The following SLC2A5 variants were observed in gnomAD, a reference collection of about 807,000 sequenced individuals.
SLC2A5 encodes solute carrier family 2 member 5.
In SLC2A5, 56 loss-of-function variants were observed where a neutral mutation model predicts 50.3. That is an observed-to-expected ratio of 1.11 (90% confidence interval 0.90 to 1.39). The LOEUF is 1.39. Among genes scored for constraint, SLC2A5 ranks in the 40% most tolerant of loss-of-function variants. SLC2A5 has a pLI of 0.00. For missense variants in SLC2A5, 566 were observed against 650.1 expected (o/e 0.87, Z 1.41); for synonymous variants, 269 against 281.9 (o/e 0.95, Z 0.46).
intron 5 of SLC2A5, 97 bp downstream of exon 5, chr1:9,041,688 G>T (rs2124320906): frequency 6.2e-7 from 1 of 1,603,080 alleles, no homozygotes; most frequent in African/African-American, 1.3e-5. Context: ...CCAGTCTGCA[G>T]AAAGTCCTGT....
intron 2 of SLC2A5, among the ~76,000 whole-genome samples, chr1:9,077,012 C>T (rs1220919019): frequency 6.6e-6 from 1 of 151,564 alleles, no homozygotes; most frequent in Non-Finnish European, 1.5e-5. Context: ...TGGTCTCGAA[C>T]TCCTGACCTC....
intron 1 of SLC2A5, among the ~76,000 whole-genome samples, chr1:9,059,362 C>G (rs1188262743): frequency 6.6e-6 from 1 of 151,306 alleles, no homozygotes; most frequent in Non-Finnish European, 1.5e-5. Context: ...CCAGGATGGT[C>G]TCAATCTCCT....
chr1:9,044,069 C>A (rs1641378480), intron 4 of SLC2A5, among the ~76,000 whole-genome samples: 1 of 151,652 alleles, frequency 6.6e-6, no homozygotes, highest in African/African-American at 2.4e-5. Context: ...TAGCTCACCC[C>A]TGTAATCCCA....
chr1:9,059,533 A>C lies in SLC2A5; in HGVS notation c.34-1283T>G, dbSNP rs1641852337. ...TCCCACGGTATCTAAATCTACAGAG[A>C]ATCTTTTTTTTTTTTTTTTTTCTGA... On this transcript the variant is annotated intron_variant, in intron 1 of 11. Coordinates refer to ENST00000377424, the MANE Select transcript of SLC2A5 (RefSeq NM_003039.3). 9.2e-5 allele frequency among the ~76,000 whole-genome samples: 7 copies of C among 75,776 alleles called. No individual in the cohort carries two copies. In the South Asian group the frequency reaches 3.0e-3, roughly 33 times the overall value. 49.7% of individuals were successfully genotyped at this position (75,776 alleles called of 152,430 possible).
At chr1:9,076,662 A>C (rs12409872) in intron 2 of SLC2A5, among the ~76,000 whole-genome samples, 6,811 of 152,230 alleles carry the variant, frequency 0.045, 297 homozygotes, top group East Asian at 0.14. Flanking sequence ...TAAAGGAAAA[A>C]ACTGAGGTGA....
intron 2 of SLC2A5, among the ~76,000 whole-genome samples, chr1:9,080,918 A>G (rs543815303): frequency 5.3e-4 from 80 of 152,248 alleles, no homozygotes; most frequent in Non-Finnish European, 9.9e-4. Context: ...GATCCTTTCA[A>G]TTATTTCAGG....
At chr1:9,087,031 T>C (rs1321990099) in intron 1 of SLC2A5, among the ~76,000 whole-genome samples, 2 of 152,104 alleles carry the variant, frequency 1.3e-5, no homozygotes, top group Non-Finnish European at 1.5e-5. Flanking sequence ...TTCCTTCACA[T>C]AGAAACATTC....
chr1:9,081,912 C>T (rs913222105), intron 2 of SLC2A5, among the ~76,000 whole-genome samples: 3 of 151,910 alleles, frequency 2.0e-5, no homozygotes, highest in Admixed American at 6.6e-5. Context: ...CAAAACCCCA[C>T]CTCTACTAAA....
intron 2 of SLC2A5, among the ~76,000 whole-genome samples, chr1:9,083,377 G>T (rs1642372732): frequency 6.6e-6 from 1 of 152,182 alleles, no homozygotes; most frequent in Admixed American, 6.5e-5. Context: ...CAGCAGTTTT[G>T]CATGACTAGC....
chr1:9,073,811 G>A (rs1302980893), upstream of SLC2A5, among the ~76,000 whole-genome samples: 4 of 152,178 alleles, frequency 2.6e-5, no homozygotes, highest in Non-Finnish European at 5.9e-5. Context: ...ATGCTGGCCG[G>A]GCGCGGTGGC....
Position 9,040,027 on chromosome 1 carries a change from A to G in SLC2A5, c.697+37T>C, listed in dbSNP as rs1641257660. On this transcript the variant is annotated intron_variant, in intron 6 of 11. Coordinates refer to ENST00000377424, the MANE Select transcript of SLC2A5 (RefSeq NM_003039.3). The surrounding 1 kb of genome is among the most constrained non-coding windows in gnomAD (Gnocchi z 4.3). ...CACCGTCGGACCAGGGCTGGGGAGC[A>G]GAACCTGGAGGCCGCCCCCGCCAGA... 6.3e-7 allele frequency: 1 copy of G among 1,586,844 alleles called. No individual in the cohort carries two copies. The highest frequency in any genetic ancestry group is 8.6e-7 in the Non-Finnish European group (1 of 1,163,240).
At chr1:9,080,278 T>C (rs1004200262) in intron 2 of SLC2A5, among the ~76,000 whole-genome samples, 3 of 152,234 alleles carry the variant, frequency 2.0e-5, no homozygotes, top group Admixed American at 6.5e-5. Flanking sequence ...CGCATGGGTG[T>C]ACAAGTATCT....
At chr1:9,062,139 C>T (rs17033196) in intron 1 of SLC2A5, among the ~76,000 whole-genome samples, 5,240 of 152,226 alleles carry the variant, frequency 0.034, 105 homozygotes, top group Middle Eastern at 0.14. Flanking sequence ...ATATGCATGA[C>T]CAGCTAACTG....
At chr1:9,092,092 A>G (rs778906580), upstream of SLC2A5, among the ~76,000 whole-genome samples, 1 of 152,204 alleles carries the variant, frequency 6.6e-6, no homozygotes, top group African/African-American at 2.4e-5. Context: ...ACTTCCAGAA[A>G]AGGTTGCAGT....
chr1:9,060,012 A>ACT (rs1293892394), intron 1 of SLC2A5, among the ~76,000 whole-genome samples: 15 of 129,608 alleles, frequency 1.2e-4, no homozygotes, highest in African/African-American at 4.8e-4. Flanking sequence ...ACACACACAC[A>ACT]CTACACACAC....
At chr1:9,072,958 G>A (rs1416395078), upstream of SLC2A5, 3 of 151,036 alleles carry the variant, frequency 2.0e-5, no homozygotes, top group African/African-American at 7.3e-5. Flanking sequence ...CGAGACTCTT[G>A]TCTCCAAAAA....
intron 1 of SLC2A5, among the ~76,000 whole-genome samples, chr1:9,060,288 TAC>T (rs768766619): frequency 1.2e-3 from 104 of 87,564 alleles, no homozygotes; most frequent in Admixed American, 3.0e-3. Flanking sequence ...ACACAAACAC[TAC>T]ACACACACAC....
chr1:9,050,886 A>G (rs1641556053), intron 3 of SLC2A5, among the ~76,000 whole-genome samples: 2 of 152,216 alleles, frequency 1.3e-5, no homozygotes, highest in African/African-American at 4.8e-5. Flanking sequence ...ATAATGGCAA[A>G]GAAGATATAA....
rs749630125 is a variant in SLC2A5, at chr1:9,040,026, C to T, written c.697+38G>A. ...GCACCGTCGGACCAGGGCTGGGGAGCAGAACCTGGAGGCCGCCCCCGCCAG... is the reference window on the plus strand; with the variant it reads ...GCACCGTCGGACCAGGGCTGGGGAGTAGAACCTGGAGGCCGCCCCCGCCAG... On this transcript the variant is annotated intron_variant, in intron 6 of 11. Coordinates refer to ENST00000377424, the MANE Select transcript of SLC2A5 (RefSeq NM_003039.3). This position sits in a 1 kb window ranked among gnomAD's most constrained non-coding sequence, Gnocchi z 4.3. The T allele has an allele frequency of 1.9e-6, 3 of 1,587,328 alleles. No individual in the cohort carries two copies. Among genetic ancestry groups the T allele is most frequent in the Non-Finnish European group, 2.6e-6 (3 of 1,163,512 alleles).
Sources: allele counts gnomAD v4.1 joint callset (sites outside exome capture counted in the v4.1 genomes callset), GRCh38; gene constraint gnomAD v4.1.1; non-coding constraint Gnocchi (gnomAD v3.1); transcripts MANE v1.5; gene names NCBI Gene and HGNC (gene_info 2026-07-23, HGNC 2026-07-21).